PSD3: variants seen among roughly 807,000 people sequenced by gnomAD.
PSD3 encodes the protein PH and SEC7 domain-containing protein 3.
PSD3 carries 49 observed loss-of-function variants against 105.5 expected under a neutral mutation model. That is an observed-to-expected ratio of 0.46 (90% confidence interval 0.37 to 0.59). PSD3 has a LOEUF of 0.59. Among genes scored for constraint, PSD3 ranks in the 20% least tolerant of loss-of-function variants. The probability of loss-of-function intolerance (pLI) is 0.00; values close to 1 mark genes in which losing one functional copy is unlikely to be tolerated. For missense variants in PSD3, 1,561 were observed against 1,263.8 expected (o/e 1.24, Z -3.57); for synonymous variants, 557 against 457.8 (o/e 1.22, Z -2.77).
chr8:18,602,996 GA>G (rs1289193932), intron 11 of PSD3, among the ~76,000 whole-genome samples: 3 of 152,222 alleles, frequency 2.0e-5, no homozygotes, highest in African/African-American at 7.2e-5. Flanking sequence ...GAGGAAGAGT[GA>G]AAAGATTACT....
At chr8:18,727,563 C>CACAT (rs1239875063) in intron 9 of PSD3, among the ~76,000 whole-genome samples, 1 of 149,920 alleles carries the variant, frequency 6.7e-6, no homozygotes, top group East Asian at 2.0e-4. Flanking sequence ...CACACACACA[C>CACAT]ACACACACAC....
In PSD3 at chr8:18,556,235, G is replaced by C. The variant is rs1412182299; in HGVS notation, c.2902C>G (p.Leu968Val). 6 of 1,613,996 alleles carry C rather than the reference G, an allele frequency of 3.7e-6. No homozygotes were observed. Among genetic ancestry groups the C allele is most frequent in the African/African-American group, 1.3e-5 (1 of 74,926 alleles). Reference protein sequence around the residue: ...VKAKDVDEYKLKDHYLEFEKT... With the variant: ...VKAKDVDEYKVKDHYLEFEKT... Reference sequence around the variant, plus strand: ...TCAAACTCCAGATAGTGGTCTTTCAGTTTGTACTCATCGACGTCCTTGGCT... The same window carrying C: ...TCAAACTCCAGATAGTGGTCTTTCACTTTGTACTCATCGACGTCCTTGGCT... The change falls in exon 15 of 16, where the codon CTG (leucine) becomes GTG (valine). Residue 968 changes from leucine to valine, a missense_variant. By Grantham distance (32) the Leu-to-Val change is conservative (BLOSUM62 1). Coordinates refer to ENST00000327040, the MANE Select transcript of PSD3 (RefSeq NM_015310.4).
chr8:18,990,431 A>G (rs2059659), intron 1 of PSD3, among the ~76,000 whole-genome samples: 46,839 of 152,046 alleles, frequency 0.31, 7,428 homozygotes, highest in Non-Finnish European at 0.35. Context: ...GCCCATGGCC[A>G]TTGTGCTTGA....
intron 1 of PSD3, among the ~76,000 whole-genome samples, chr8:19,007,154 TGAGGCAGGAGAATCGCTTGAGCCC>T (rs1450425297): frequency 6.6e-6 from 1 of 151,956 alleles, no homozygotes; most frequent in East Asian, 1.9e-4. Flanking sequence ...CTCTGGAGGC[TGAGGCAGGAGAATCGCTTGAGCCC>T]GAGGCAGAGG....
chr8:18,779,498 T>G (rs1164583606), intron 8 of PSD3, among the ~76,000 whole-genome samples: 1 of 152,164 alleles, frequency 6.6e-6, no homozygotes, highest in Non-Finnish European at 1.5e-5. Flanking sequence ...GTATCTGGTT[T>G]GTTCTTGCTT....
intron 1 of PSD3, among the ~76,000 whole-genome samples, chr8:19,038,984 A>G (rs1828036041): frequency 6.6e-6 from 1 of 152,198 alleles, no homozygotes. Context: ...GTCCAAATCC[A>G]GGCAGTTCAA....
intron 9 of PSD3, chr8:18,732,711 C>A (rs1275470409): frequency 6.6e-6 from 1 of 152,310 alleles, no homozygotes; most frequent in Non-Finnish European, 1.5e-5. Flanking sequence ...TTCTGTCACA[C>A]AAACCAGCCC....
intron 11 of PSD3, among the ~76,000 whole-genome samples, chr8:18,625,364 T>G (rs1806405864): frequency 6.6e-6 from 1 of 152,166 alleles, no homozygotes; most frequent in Admixed American, 6.6e-5. Context: ...TGTCTTATTA[T>G]CTTGGAAAAT....
intron 9 of PSD3, among the ~76,000 whole-genome samples, chr8:18,701,935 C>A (rs546225925): frequency 2.0e-5 from 3 of 152,244 alleles, no homozygotes; most frequent in Non-Finnish European, 2.9e-5. Flanking sequence ...GGACCATTTA[C>A]GGCTCTTGGG....
intron 4 of PSD3, among the ~76,000 whole-genome samples, chr8:18,837,255 C>G (rs1814191179): frequency 6.6e-6 from 1 of 152,160 alleles, no homozygotes; most frequent in African/African-American, 2.4e-5. Flanking sequence ...CATGACCCAG[C>G]TCTGGGTCAC....
chr8:19,035,888 G>A (rs1827926262), intron 1 of PSD3, among the ~76,000 whole-genome samples: 1 of 151,898 alleles, frequency 6.6e-6, no homozygotes, highest in Non-Finnish European at 1.5e-5. Flanking sequence ...TCAAGTAGCT[G>A]GGATTGCAGG....
At position 18,791,008 on chromosome 8, in the gene PSD3, A is replaced by C. The variant is rs142273490; in HGVS notation, c.2082+8287T>G. Among the ~76,000 whole-genome samples the C allele has an allele frequency of 1.5e-3, 225 of 152,346 alleles. 5 individuals carry two copies. The highest frequency in any genetic ancestry group is 0.011 in the East Asian group (57 of 5,176). ...AAAAGAATAACATACCTAGGAATAC[A>C]GCTAACAAGGGAAATGAAGGACCTC... On this transcript the variant is annotated intron_variant, in intron 8 of 15. Transcript: ENST00000327040.
chr8:18,594,546 G>A (rs190145891), intron 12 of PSD3, among the ~76,000 whole-genome samples: 1 of 146,908 alleles, frequency 6.8e-6, no homozygotes, highest in Non-Finnish European at 1.5e-5. Flanking sequence ...TGCCTTACAA[G>A]AAAGGCTAAA....
At chr8:19,071,996 C>T (rs1159606031) in intron 1 of PSD3, among the ~76,000 whole-genome samples, 1 of 152,116 alleles carries the variant, frequency 6.6e-6, no homozygotes, top group East Asian at 1.9e-4. Flanking sequence ...AGGCGTAAGC[C>T]ACCATGCCTG....
chr8:18,729,514 A>G (rs997773657), intron 9 of PSD3, among the ~76,000 whole-genome samples: 4 of 152,226 alleles, frequency 2.6e-5, no homozygotes, highest in African/African-American at 9.6e-5. Context: ...ACATTAAATA[A>G]AAGTAGCATG....
intron 9 of PSD3, among the ~76,000 whole-genome samples, chr8:18,674,093 C>T (rs995344850): frequency 6.6e-6 from 1 of 151,772 alleles, no homozygotes; most frequent in East Asian, 1.9e-4. Context: ...GTGCAGTGAG[C>T]AGTGATCGTG....
At chr8:18,960,225 T>C (rs1586530137) in intron 1 of PSD3, among the ~76,000 whole-genome samples, 2 of 152,352 alleles carry the variant, frequency 1.3e-5, no homozygotes, top group South Asian at 2.1e-4. Context: ...CTCAACTATA[T>C]GAATTTTGAA....
chr8:18,877,666 C>T (rs539634747), intron 2 of PSD3, among the ~76,000 whole-genome samples: 50 of 151,942 alleles, frequency 3.3e-4, no homozygotes, highest in Admixed American at 8.5e-4. Context: ...CTCAGACTTC[C>T]GAGTAGCTGG....
intron 2 of PSD3, among the ~76,000 whole-genome samples, chr8:18,878,780 T>C (rs1435219758): frequency 1.3e-5 from 2 of 152,164 alleles, no homozygotes; most frequent in African/African-American, 4.8e-5. Flanking sequence ...GTATGGTATA[T>C]ATAGTGTAAA....
Sources: gnomAD v4.1 joint callset for allele counts (sites outside exome capture counted in the v4.1 genomes callset) on GRCh38, gnomAD v4.1.1 for gene constraint, MANE v1.5 for transcripts, NCBI Gene and HGNC (gene_info 2026-07-23, HGNC 2026-07-21) for gene names.